TRRAP: variants seen among roughly 807,000 people sequenced by gnomAD.
TRRAP encodes the protein transformation/transcription domain associated protein, also known as transformation/transcription domain-associated protein.
A neutral mutation model predicts 438.8 loss-of-function variants in TRRAP; 41 were observed. That is an observed-to-expected ratio of 0.09 (90% CI 0.07 to 0.12). TRRAP has a LOEUF of 0.12. Ranked by LOEUF, TRRAP falls within the 10% of genes least tolerant of loss-of-function variation. The probability of loss-of-function intolerance (pLI) is 1.00; values close to 1 mark genes in which losing one functional copy is unlikely to be tolerated. For missense variants in TRRAP, 3,122 were observed against 5,055.1 expected (o/e 0.62, Z 11.60); for synonymous variants, 1,994 against 1,962.9 (o/e 1.02, Z -0.42).
At chr7:98,884,778 C>A (rs1264701634) in intron 3 of TRRAP, among the ~76,000 whole-genome samples, 1 of 152,170 alleles carries the variant, frequency 6.6e-6, no homozygotes, top group Non-Finnish European at 1.5e-5. Context: ...TGCTGAACCC[C>A]AGTTGGAAAA....
chr7:98,882,063 A>G (rs1164131121), intron 3 of TRRAP, 39 bp downstream of exon 3: 1 of 1,555,322 alleles, frequency 6.4e-7, no homozygotes, highest in South Asian at 1.2e-5. Flanking sequence ...TTTTGAGGTA[A>G]ATATTCTTAT....
intron 19 of TRRAP, among the ~76,000 whole-genome samples, chr7:98,916,602 C>T (rs1789529397): frequency 2.0e-5 from 3 of 152,198 alleles, no homozygotes; most frequent in Non-Finnish European, 4.4e-5. Flanking sequence ...GATGAATCTG[C>T]CATGGGAGTG....
intron 22 of TRRAP, among the ~76,000 whole-genome samples, chr7:98,926,349 C>G (rs1002463040): frequency 2.6e-5 from 4 of 151,498 alleles, no homozygotes; most frequent in Non-Finnish European, 5.9e-5. Context: ...GAAACAACTA[C>G]AAATCAGAAA....
At position 98,965,891 on chromosome 7, in the gene TRRAP, A is replaced by G. The variant is rs368157155; in HGVS notation, c.7172A>G (p.Asn2391Ser). 5.6e-6 allele frequency: 9 copies of G among 1,614,064 alleles called. No individual in the cohort carries two copies. Among genetic ancestry groups the G allele is most frequent in the African/African-American group, 4.0e-5 (3 of 74,948 alleles). The change falls in exon 49 of 73, where the codon AAT becomes AGT. Residue 2391 changes from asparagine to serine, a missense_variant. Transcript: ENST00000456197. ...AAGAATAACTCCCCAATGGCAGCCAATCAGGTGAGCTGGGACGGTGTGCCA... is the reference window on the plus strand; with the variant it reads ...AAGAATAACTCCCCAATGGCAGCCAGTCAGGTGAGCTGGGACGGTGTGCCA... ...WVKNNSPMAA[N>S]QTPTLREKSI...
intron 61 of TRRAP, among the ~76,000 whole-genome samples, chr7:98,984,676 A>G (rs1023319039): frequency 5.9e-5 from 9 of 152,246 alleles, no homozygotes; most frequent in African/African-American, 1.9e-4. Flanking sequence ...AATCTTGATA[A>G]GAACAATAAA....
chr7:98,882,157 A>G, intron 3 of TRRAP, 133 bp downstream of exon 3: 1 of 811,920 alleles, frequency 1.2e-6, no homozygotes, highest in Non-Finnish European at 1.9e-6. Context: ...GTATATTTCG[A>G]AACTGAAATC....
chr7:98,890,404 C>G lies in TRRAP; in HGVS notation c.220C>G (p.Gln74Glu). Reference sequence around the variant, plus strand: ...CATCCCTCGATTCCTTACATTTCTCCAAGATGGAGAAGTTCAGTTTCTTCA... The same window carrying G: ...CATCCCTCGATTCCTTACATTTCTCGAAGATGGAGAAGTTCAGTTTCTTCA... ...HIIPRFLTFL[Q>E]DGEVQFLQEK... Residue 74 changes from glutamine (Q) to glutamate (E), a missense_variant, in exon 4 of 73, where the codon CAA (glutamine) becomes GAA (glutamate). By Grantham distance (29) the Gln-to-Glu change is conservative. Transcript: ENST00000456197. 1 of 1,604,524 alleles carries G rather than the reference C, an allele frequency of 6.2e-7. No individual in the cohort carries two copies. The highest frequency in any genetic ancestry group is 8.5e-7 in the Non-Finnish European group (1 of 1,177,106).
Position 98,994,972 on chromosome 7 carries a change from C to T in TRRAP, c.10309+124C>T. 1 of 1,376,074 alleles carries T rather than the reference C, an allele frequency of 7.3e-7. No individual in the cohort carries two copies. Among genetic ancestry groups the T allele is most frequent in the Admixed American group, 2.1e-5 (1 of 46,592 alleles). 85.2% of individuals were successfully genotyped at this position (1,376,074 alleles called of 1,614,324 possible). On this transcript the variant is annotated intron_variant, in intron 67 of 72. Coordinates refer to ENST00000456197, the MANE Select transcript of TRRAP (RefSeq NM_001375524.1). The surrounding 1 kb of genome is among the most constrained non-coding windows in gnomAD (Gnocchi z 4.8). ...CACTGCACGGGGCACACTGGTTACA[C>T]TCTGTTTACAGTGCAGACTTCAGAG...
Position 98,937,241 on chromosome 7 carries a change from T to A in TRRAP, c.4197T>A (p.Ser1399Arg). The A allele has an allele frequency of 6.2e-7, 1 of 1,613,424 alleles. No individual in the cohort carries two copies. Among genetic ancestry groups the A allele is most frequent in the Non-Finnish European group, 8.5e-7 (1 of 1,179,558 alleles). ...ALFKALNSTN[S>R]ELQEAGEACM... Reference sequence around the variant, plus strand: ...TCAAAGCCCTGAATTCCACCAATAGTGAGCTCCAAGAGGCCGGAGAAGCCT... The same window carrying A: ...TCAAAGCCCTGAATTCCACCAATAGAGAGCTCCAAGAGGCCGGAGAAGCCT... Residue 1399 changes from serine to arginine, a missense_variant, in exon 29 of 73, where the codon AGT becomes AGA. Around this residue, in one of 24 missense-constraint regions of TRRAP, gnomAD observed 84 missense variants for 119.8 expected, o/e 0.70. Transcript: ENST00000456197.
At chr7:98,887,872 C>A (rs1227787101) in intron 3 of TRRAP, among the ~76,000 whole-genome samples, 1 of 151,966 alleles carries the variant, frequency 6.6e-6, no homozygotes, top group Admixed American at 6.6e-5. Flanking sequence ...AGATCTTTCT[C>A]TTTAGCCCCA....
At chr7:98,934,495 C>T (rs1790468579) in intron 27 of TRRAP, among the ~76,000 whole-genome samples, 2 of 152,144 alleles carry the variant, frequency 1.3e-5, no homozygotes, top group Admixed American at 1.3e-4. Flanking sequence ...TGTATTTTAA[C>T]CTGCATGGAA....
rs931746276 is a variant in TRRAP at position 98,984,554 on chromosome 7, C to G, written c.9288+196C>G. Among the ~76,000 whole-genome samples, 43 of 152,132 alleles carry G rather than the reference C, an allele frequency of 2.8e-4. 1 individual carries two copies. Among genetic ancestry groups the G allele is most frequent in the African/African-American group, 8.0e-4 (33 of 41,436 alleles). The stretch of plus-strand genomic sequence containing the variant: ...AAGCTACTTGACTGTGAATTACAGT[C>G]TCTTGTGGTCTCTGTCCTACTATAT... On this transcript the variant is annotated intron_variant, in intron 61 of 72. Coordinates refer to ENST00000456197, the MANE Select transcript of TRRAP (RefSeq NM_001375524.1).
At chr7:98,932,841 A>G (rs1220299579) in intron 26 of TRRAP, among the ~76,000 whole-genome samples, 1 of 152,118 alleles carries the variant, frequency 6.6e-6, no homozygotes, top group African/African-American at 2.4e-5. Context: ...CTGAGGATGC[A>G]GAACCACAGA....
intron 64 of TRRAP, 43 bp downstream of exon 64, chr7:98,990,662 G>A (rs774646929): frequency 1.1e-5 from 17 of 1,561,960 alleles, no homozygotes; most frequent in Admixed American, 1.8e-5. Flanking sequence ...ACAAAACATT[G>A]TGTCTTCATT....
Position 98,915,895 on chromosome 7 carries a change from G to A in TRRAP, c.2365+7G>A. 1.9e-6 allele frequency: 3 copies of A among 1,613,982 alleles called. No individual in the cohort carries two copies. The highest frequency in any genetic ancestry group is 2.5e-6 in the Non-Finnish European group (3 of 1,179,918). On this transcript the variant is annotated splice_region_variant and intron_variant, in intron 19 of 72. Coordinates refer to ENST00000456197, the MANE Select transcript of TRRAP (RefSeq NM_001375524.1). ...CTTCCAAACCTCCTGCAAGGTCAGA[G>A]CAGTGACTTTGGTTGCCTTTTAGTC...
In TRRAP at chr7:98,949,443, A is replaced by G; in HGVS notation, c.4815A>G (p.Arg1605=). Residue 1605 remains arginine (R), a synonymous_variant, in exon 36 of 73, where the codon AGA becomes AGG. Coordinates refer to ENST00000456197, the MANE Select transcript of TRRAP (RefSeq NM_001375524.1). ...FMSFLKHKDA[R]PLRDVLAANP... The stretch of plus-strand genomic sequence containing the variant: ...GTTTTTTAAAACACAAAGACGCCAG[A>G]CCTCTGCGGGATGTGCTGGCTGCCA... The G allele has an allele frequency of 6.3e-7, 1 of 1,584,780 alleles. No homozygotes were observed. The highest frequency in any genetic ancestry group is 8.5e-7 in the Non-Finnish European group (1 of 1,169,592).
At chr7:98,897,413 T>A (rs1041953310) in intron 7 of TRRAP, among the ~76,000 whole-genome samples, 2 of 152,224 alleles carry the variant, frequency 1.3e-5, no homozygotes, top group Admixed American at 1.3e-4. Flanking sequence ...AATCATTTAT[T>A]AGCCAGGGCA....
chr7:98,903,060 C>T (rs531142610), intron 11 of TRRAP, among the ~76,000 whole-genome samples: 1 of 152,014 alleles, frequency 6.6e-6, no homozygotes, highest in Non-Finnish European at 1.5e-5. Flanking sequence ...GAGTCTCACT[C>T]TTTCATGCTG....
rs756774014 is a variant in TRRAP at position 99,005,094 on chromosome 7, A to G, written c.10536-37A>G. 1.2e-6 allele frequency: 2 copies of G among 1,601,484 alleles called. No individual in the cohort carries two copies. The highest frequency in any genetic ancestry group is 1.7e-6 in the Non-Finnish European group (2 of 1,170,702). ...CTCAAGACAAGGACTGGTAGCAGAG[A>G]TGCAGGGCATGTCCTCATGGCTTCT... On this transcript the variant is annotated intron_variant, in intron 68 of 72. Coordinates refer to ENST00000456197, the MANE Select transcript of TRRAP (RefSeq NM_001375524.1). This position sits in a 1 kb window ranked among gnomAD's most constrained non-coding sequence, Gnocchi z 5.1.
Sources: allele counts gnomAD v4.1 joint callset (sites outside exome capture counted in the v4.1 genomes callset), GRCh38; gene constraint gnomAD v4.1.1; regional missense constraint gnomAD v4.1.1; non-coding constraint Gnocchi (gnomAD v3.1); transcripts MANE v1.5; gene names NCBI Gene and HGNC (gene_info 2026-07-23, HGNC 2026-07-21).